The following TBL1XR1 variants were observed in gnomAD, a reference collection of about 807,000 sequenced individuals.
TBL1XR1 encodes F-box-like/WD repeat-containing protein TBL1XR1.
Under a neutral mutation model 66.9 loss-of-function variants are expected in TBL1XR1, and 5 were observed. The observed-to-expected ratio is 0.07, with a 90% CI of 0.04 to 0.16. TBL1XR1 has a LOEUF of 0.16. Among genes scored for constraint, TBL1XR1 ranks in the 10% least tolerant of loss-of-function variants. The pLI is 1.00. For missense variants in TBL1XR1, 238 were observed against 623.2 expected (o/e 0.38, Z 6.58); for synonymous variants, 210 against 206.0 (o/e 1.02, Z -0.17).
chr3:177,023,886 T>G lies in TBL1XR1; in HGVS notation c.*1612A>C, dbSNP rs1180476923. On this transcript the variant is annotated 3_prime_UTR_variant, in exon 16 of 16. Coordinates refer to ENST00000457928, the MANE Select transcript of TBL1XR1 (RefSeq NM_024665.7). ...AATTCCTTAATTAAAATCTTCGAGATATAAATTTGATGACTATTCTCTTCA... is the reference window on the plus strand; with the variant it reads ...AATTCCTTAATTAAAATCTTCGAGAGATAAATTTGATGACTATTCTCTTCA... The G allele has an allele frequency of 2.0e-5, 3 of 152,084 alleles. No individual in the cohort carries two copies. Among genetic ancestry groups the G allele is most frequent in the Admixed American group, 6.6e-5 (1 of 15,262 alleles). The allele number at this position is 152,084 out of a possible 1,614,324, so 9.4% of individuals were successfully genotyped here.
chr3:177,104,882 A>G (rs933907446), intron 1 of TBL1XR1, among the ~76,000 whole-genome samples: 18 of 152,226 alleles, frequency 1.2e-4, no homozygotes, highest in African/African-American at 4.3e-4. Flanking sequence ...AAGTATTTCT[A>G]AATTTTTCTG....
intron 1 of TBL1XR1, among the ~76,000 whole-genome samples, chr3:177,168,037 A>G (rs1242868808): frequency 6.6e-6 from 1 of 152,234 alleles, no homozygotes; most frequent in African/African-American, 2.4e-5. Flanking sequence ...TAAATGGGAA[A>G]CAACCAAAAA....
rs1712273476 is a variant in TBL1XR1, at chr3:177,020,963, A to C, written c.*4535T>G. ...TTAACATGGTCCAGGACAGCACAGA[A>C]CATCTACATCAGTCTTCCTTACACA... is the stretch of plus-strand genomic sequence containing the variant. On this transcript the variant is annotated 3_prime_UTR_variant, in exon 16 of 16. Coordinates refer to ENST00000457928, the MANE Select transcript of TBL1XR1 (RefSeq NM_024665.7). 1 of 152,204 alleles carries C rather than the reference A, an allele frequency of 6.6e-6. No homozygotes were observed. The highest frequency in any genetic ancestry group is 1.5e-5 in the Non-Finnish European group (1 of 68,008). The allele number at this position is 152,204 out of a possible 1,614,324, so 9.4% of individuals were successfully genotyped here. A position where few individuals can be genotyped will look rare whatever the true frequency, so the allele number is the denominator to read the frequency against.
chr3:177,184,953 C>A (rs1735232721), intron 1 of TBL1XR1, among the ~76,000 whole-genome samples: 1 of 152,170 alleles, frequency 6.6e-6, no homozygotes, highest in Non-Finnish European at 1.5e-5. Context: ...AGTTACAGCT[C>A]TTTAAGAACT....
chr3:177,187,862 A>G (rs78367711), intron 1 of TBL1XR1, among the ~76,000 whole-genome samples: 3 of 151,488 alleles, frequency 2.0e-5, no homozygotes, highest in African/African-American at 7.3e-5. Context: ...TTAAAAAAAA[A>G]TCCACCATTT....
At chr3:177,120,212 C>G (rs554013446) in intron 1 of TBL1XR1, among the ~76,000 whole-genome samples, 22 of 152,160 alleles carry the variant, frequency 1.4e-4, no homozygotes, top group Non-Finnish European at 1.9e-4. Flanking sequence ...CATTCCTGTT[C>G]TAATGGCTTT....
chr3:177,056,149 C>T (rs1292903564), intron 3 of TBL1XR1, among the ~76,000 whole-genome samples: 2 of 152,120 alleles, frequency 1.3e-5, no homozygotes, highest in East Asian at 3.9e-4. Context: ...CATCTTATTG[C>T]CATATTTACT....
At chr3:177,081,761 G>T (rs1195330456) in intron 2 of TBL1XR1, among the ~76,000 whole-genome samples, 1 of 139,676 alleles carries the variant, frequency 7.2e-6, no homozygotes, top group Non-Finnish European at 1.6e-5. Context: ...AAAAAAAAAA[G>T]ATATTTAATA....
chr3:177,060,798 T>C (rs1718422932), intron 3 of TBL1XR1, among the ~76,000 whole-genome samples: 1 of 152,260 alleles, frequency 6.6e-6, no homozygotes, highest in Non-Finnish European at 1.5e-5. Context: ...ACTAAGTATT[T>C]ATCTGCATAT....
At chr3:177,187,538 T>TA (rs1292734395) in intron 1 of TBL1XR1, among the ~76,000 whole-genome samples, 1 of 152,180 alleles carries the variant, frequency 6.6e-6, no homozygotes, top group East Asian at 1.9e-4. Flanking sequence ...CTAAGTGATT[T>TA]ACTCATGTAA....
chr3:177,039,527 G>A lies in TBL1XR1; in HGVS notation c.926-1093C>T, dbSNP rs73881948. Among the ~76,000 whole-genome samples, 219 of 152,226 alleles carry A rather than the reference G, an allele frequency of 1.4e-3. 1 individual carries two copies. Among genetic ancestry groups the A allele is most frequent in the African/African-American group, 5.2e-3 (216 of 41,528 alleles). ...AAATCAAATGCCCCTTAAAATCAAT[G>A]AATTTAAAAATCTCTGAAGCCCCAA... On this transcript the variant is annotated intron_variant, in intron 10 of 15. Transcript: ENST00000457928.
chr3:177,086,724 A>G (rs1722169924), intron 2 of TBL1XR1, among the ~76,000 whole-genome samples: 1 of 151,998 alleles, frequency 6.6e-6, no homozygotes, highest in Non-Finnish European at 1.5e-5. Flanking sequence ...CACGGAACAT[A>G]TACAGTTGAC....
At chr3:177,035,411 C>CG (rs1714633813) in intron 12 of TBL1XR1, among the ~76,000 whole-genome samples, 1 of 140,884 alleles carries the variant, frequency 7.1e-6, no homozygotes, top group Admixed American at 7.2e-5. Context: ...GTCCCTGCCC[C>CG]AATTTTTTTT....
At chr3:177,054,165 A>T (rs1283466073) in intron 3 of TBL1XR1, among the ~76,000 whole-genome samples, 2 of 151,890 alleles carry the variant, frequency 1.3e-5, no homozygotes, top group Non-Finnish European at 2.9e-5. Flanking sequence ...TAAATACTTG[A>T]TTATATAGCT....
intron 1 of TBL1XR1, among the ~76,000 whole-genome samples, chr3:177,131,192 G>A (rs1301602782): frequency 6.6e-6 from 1 of 152,076 alleles, no homozygotes; most frequent in Non-Finnish European, 1.5e-5. Flanking sequence ...TCCATGTCAA[G>A]CGTAGGAGAC....
intron 1 of TBL1XR1, among the ~76,000 whole-genome samples, chr3:177,124,508 T>C (rs1009986066): frequency 6.6e-6 from 1 of 152,142 alleles, no homozygotes; most frequent in Non-Finnish European, 1.5e-5. Flanking sequence ...TGTCTAACTA[T>C]TAACTATTTC....
intron 1 of TBL1XR1, among the ~76,000 whole-genome samples, chr3:177,140,665 A>G (rs1729528772): frequency 6.6e-6 from 1 of 152,240 alleles, no homozygotes; most frequent in Non-Finnish European, 1.5e-5. Context: ...AGAAAACAAC[A>G]GTATACCCTT....
chr3:177,045,797 A>G (rs1716252417), intron 10 of TBL1XR1, among the ~76,000 whole-genome samples: 1 of 152,100 alleles, frequency 6.6e-6, no homozygotes, highest in Non-Finnish European at 1.5e-5. Flanking sequence ...AGGTTAAGTG[A>G]CTTGCTCAGT....
chr3:177,181,847 G>A (rs1048053445), intron 1 of TBL1XR1, among the ~76,000 whole-genome samples: 3 of 150,100 alleles, frequency 2.0e-5, no homozygotes, highest in Non-Finnish European at 4.4e-5. Flanking sequence ...ACACACACAT[G>A]ATGAAGGGTC....
Sources: gnomAD v4.1 joint callset for allele counts (sites outside exome capture counted in the v4.1 genomes callset) on GRCh38, gnomAD v4.1.1 for gene constraint, MANE v1.5 for transcripts, NCBI Gene and HGNC (gene_info 2026-07-23, HGNC 2026-07-21) for gene names.